Variants in BBS4 observed in about 807,000 individuals in gnomAD.
BBS4 encodes the protein BBSome complex member BBS4.
A neutral mutation model predicts 71.4 loss-of-function variants in BBS4; 58 were observed. The observed-to-expected ratio is 0.81, with a 90% CI of 0.66 to 1.01. The LOEUF (loss-of-function observed/expected upper bound fraction) is 1.01, where lower values mean the gene tolerates loss of function less well. Among genes scored for constraint, BBS4 ranks in the 50% least tolerant of loss-of-function variants. The probability of loss-of-function intolerance (pLI) is 0.00; values close to 1 mark genes in which losing one functional copy is unlikely to be tolerated. For missense variants in BBS4, 660 were observed against 607.9 expected, an observed-to-expected ratio of 1.09 and a Z score of -0.90; for synonymous variants, 228 against 216.8, an observed-to-expected ratio of 1.05 and a Z score of -0.46.
At chr15:72,735,688 C>T (rs563264994) in intron 13 of BBS4, 137 bp from the exon 14 acceptor site, 28 of 1,088,330 alleles carry the variant, frequency 2.6e-5, no homozygotes, top group Admixed American at 6.8e-5. Flanking sequence ...CTGCTTAGCA[C>T]GTATGTACCT....
rs1443668827 is a variant in BBS4, at chr15:72,692,013, A to AGTGAGGTG, written c.25-3163_25-3156dup. 3.3e-5 allele frequency among the ~76,000 whole-genome samples: 5 copies of AGTGAGGTG among 151,702 alleles called. No individual in the cohort carries two copies. The East Asian group carries it at 9.7e-4, about 29-fold the overall frequency. ...ATATGGCCAAGACTAAGGAAAGGTAAGTGAGGTGCTTAGGGTTCACATTTT... is the reference window on the plus strand; with the variant it reads ...ATATGGCCAAGACTAAGGAAAGGTAAGTGAGGTGGTGAGGTGCTTAGGGTTCACATTTT... On this transcript the variant is annotated intron_variant, in intron 1 of 15. Transcript: ENST00000268057.
chr15:72,735,646 G>A (rs2065906492), intron 13 of BBS4, 179 bp from the exon 14 acceptor site: 1 of 789,898 alleles, frequency 1.3e-6, no homozygotes, highest in Non-Finnish European at 2.1e-6. Context: ...TTGCTTGTTA[G>A]GCCATTAACT....
At chr15:72,732,305 A>C (rs1196538093) in intron 12 of BBS4, among the ~76,000 whole-genome samples, 1 of 152,194 alleles carries the variant, frequency 6.6e-6, no homozygotes, top group African/African-American at 2.4e-5. Context: ...TCTTCTGAGC[A>C]TGTTATATAG....
intron 4 of BBS4, among the ~76,000 whole-genome samples, chr15:72,713,347 A>ACGCACG (rs1555499613): frequency 8.4e-6 from 1 of 118,766 alleles, no homozygotes; most frequent in East Asian, 7.7e-4. Flanking sequence ...ACACACACAC[A>ACGCACG]CACGCACACG....
intron 1 of BBS4, among the ~76,000 whole-genome samples, chr15:72,692,253 C>A (rs1376164718): frequency 1.3e-5 from 2 of 150,808 alleles, no homozygotes; most frequent in Non-Finnish European, 2.9e-5. Flanking sequence ...GCTTCTGCCA[C>A]CAGTCATGGT....
rs150363829 is a variant in BBS4, at chr15:72,737,135, A to C, written c.1450+172A>C. 2.8e-4 allele frequency: 221 copies of C among 790,812 alleles called. 1 individual carries two copies. In the African/African-American group the frequency reaches 3.4e-3, roughly 12 times the overall value. 49.0% of individuals were successfully genotyped at this position (790,812 alleles called of 1,614,324 possible). On this transcript the variant is annotated intron_variant, in intron 15 of 15. Transcript: ENST00000268057. The stretch of plus-strand genomic sequence containing the variant: ...GGCTAAATTGGCACTTGTTTCCTTA[A>C]GGCGAGCTATGTAGTAGGTAACAGC...
intron 1 of BBS4, among the ~76,000 whole-genome samples, chr15:72,688,983 C>A (rs1030562292): frequency 3.3e-5 from 5 of 151,864 alleles, no homozygotes; most frequent in African/African-American, 1.2e-4. Context: ...AGCTGTTCTC[C>A]TTTCTTTCTT....
intron 2 of BBS4, among the ~76,000 whole-genome samples, chr15:72,707,525 CAA>C (rs754034199): frequency 6.6e-6 from 1 of 151,998 alleles, no homozygotes; most frequent in Non-Finnish European, 1.5e-5. Context: ...TTAAAATTCA[CAA>C]AAAATAATAT....
intron 12 of BBS4, among the ~76,000 whole-genome samples, chr15:72,732,026 A>AATATAT (rs2065835271): frequency 6.6e-6 from 1 of 152,218 alleles, no homozygotes; most frequent in South Asian, 2.1e-4. Flanking sequence ...TATTGAGTCC[A>AATATAT]ACTAAGTTCC....
Position 72,724,601 on chromosome 15 carries a change from A to G in BBS4, c.533A>G (p.His178Arg). 2 of 1,614,158 alleles carry G rather than the reference A, an allele frequency of 1.2e-6. No individual in the cohort carries two copies. Among genetic ancestry groups the G allele is most frequent in the South Asian group, 1.1e-5 (1 of 91,088 alleles). ...DLTYIMLGKIHLLEGDLDKAI... is the reference protein window; with the variant it reads ...DLTYIMLGKIRLLEGDLDKAI... ...ACTTATATAATGCTGGGGAAGATCC[A>G]CTTGCTGGAGGGAGACTTGGACAAG... Residue 178 changes from histidine to arginine, a missense_variant, in exon 8 of 16, where the codon CAC becomes CGC. Transcript: ENST00000268057.
At chr15:72,704,345 T>C (rs925801182) in intron 2 of BBS4, 26 of 839,862 alleles carry the variant, frequency 3.1e-5, no homozygotes, top group Admixed American at 7.2e-5. Flanking sequence ...TACATGCTTA[T>C]GTTTTGTGGA....
At chr15:72,699,010 A>G (rs1014359326) in intron 2 of BBS4, among the ~76,000 whole-genome samples, 3 of 152,214 alleles carry the variant, frequency 2.0e-5, no homozygotes, top group African/African-American at 7.2e-5. Flanking sequence ...TGTGATAGTG[A>G]ATGACTTTCA....
At chr15:72,708,931 GT>G (rs1341536909) in intron 2 of BBS4, among the ~76,000 whole-genome samples, 1 of 152,146 alleles carries the variant, frequency 6.6e-6, no homozygotes, top group African/African-American at 2.4e-5. Flanking sequence ...TGTTTAAGAT[GT>G]TTATCAAGAC....
chr15:72,697,603 AC>A (rs1259111846), intron 2 of BBS4, among the ~76,000 whole-genome samples: 1 of 152,220 alleles, frequency 6.6e-6, no homozygotes, highest in East Asian at 1.9e-4. Context: ...GTAGTGTAAT[AC>A]TTGGAAATAG....
intron 10 of BBS4, among the ~76,000 whole-genome samples, chr15:72,730,933 G>A (rs141253231): frequency 1.1e-3 from 161 of 152,142 alleles, no homozygotes; most frequent in African/African-American, 3.8e-3. Context: ...AGAACACTTG[G>A]TATACCAAAT....
chr15:72,712,876 T>C (rs1048158014), intron 4 of BBS4, among the ~76,000 whole-genome samples: 26 of 152,224 alleles, frequency 1.7e-4, no homozygotes, highest in African/African-American at 6.0e-4. Flanking sequence ...AAATTAACTT[T>C]AGCTTACTAT....
chr15:72,694,283 C>T (rs893737405), intron 1 of BBS4, among the ~76,000 whole-genome samples: 4 of 148,250 alleles, frequency 2.7e-5, no homozygotes, highest in Admixed American at 2.0e-4. Flanking sequence ...CTCTGCTTCC[C>T]AAGTTCAAGC....
intron 6 of BBS4, among the ~76,000 whole-genome samples, chr15:72,717,985 A>AT (rs2065497112): frequency 1.3e-5 from 2 of 152,020 alleles, no homozygotes; most frequent in Non-Finnish European, 2.9e-5. Context: ...AGTAGCTGGG[A>AT]TTACAGGCGC....
At chr15:72,686,674 G>GT (rs1258222824) in intron 1 of BBS4, 17 of 862,736 alleles carry the variant, frequency 2.0e-5, no homozygotes, top group Middle Eastern at 2.6e-4. Flanking sequence ...GCGGGACTGT[G>GT]TTTTTTCTGT....
Sources: gnomAD v4.1 joint callset for allele counts (sites outside exome capture counted in the v4.1 genomes callset) on GRCh38, gnomAD v4.1.1 for gene constraint, MANE v1.5 for transcripts, NCBI Gene and HGNC (gene_info 2026-07-23, HGNC 2026-07-21) for gene names.